Variants in WASF2 observed in about 807,000 individuals in gnomAD.
The protein encoded by WASF2 is WASP family member 2.
WASF2 carries 14 observed loss-of-function variants against 45.0 expected under a neutral mutation model. The ratio of observed to expected loss-of-function variants is 0.31; its 90% CI spans 0.21 to 0.49. WASF2 has a LOEUF of 0.49. Among genes scored for constraint, WASF2 ranks in the 20% least tolerant of loss-of-function variants. The pLI, the probability that WASF2 is intolerant of heterozygous loss-of-function variation, is 0.99. For missense variants in WASF2, 439 were observed against 636.1 expected, an observed-to-expected ratio of 0.69 and a Z score of 3.33; for synonymous variants, 200 against 236.3, an observed-to-expected ratio of 0.85 and a Z score of 1.41.
At chr1:27,479,909 T>A (rs752151985) in intron 1 of WASF2, among the ~76,000 whole-genome samples, 3 of 152,148 alleles carry the variant, frequency 2.0e-5, no homozygotes, top group Non-Finnish European at 4.4e-5. Flanking sequence ...ATATCTCAAG[T>A]GCTGGGGACT....
chr1:27,477,898 C>CAAAAAA (rs777021949), intron 1 of WASF2, among the ~76,000 whole-genome samples: 2 of 49,964 alleles, frequency 4.0e-5, no homozygotes, highest in African/African-American at 1.4e-4. Flanking sequence ...GACTCCGTCT[C>CAAAAAA]AAAAAAAAAA....
Position 27,413,018 on chromosome 1 carries a change from G to A in WASF2, c.669-291C>T, listed in dbSNP as rs12040941. Among the ~76,000 whole-genome samples the A allele has an allele frequency of 7.5e-3, 1,149 of 152,274 alleles. 111 individuals carry two copies. The East Asian group carries it at 0.2, about 27-fold the overall frequency. ...AGTGTTGGCCTTGTCAAACCCAGCAGTTCTTTTAAATTCTCTCCCCAGTGT... is the reference window on the plus strand; with the variant it reads ...AGTGTTGGCCTTGTCAAACCCAGCAATTCTTTTAAATTCTCTCCCCAGTGT... On this transcript the variant is annotated intron_variant, in intron 6 of 8. Transcript: ENST00000618852.
At chr1:27,463,063 GC>G (rs2017568193) in intron 1 of WASF2, among the ~76,000 whole-genome samples, 1 of 152,000 alleles carries the variant, frequency 6.6e-6, no homozygotes, top group African/African-American at 2.4e-5. Flanking sequence ...CAAGTGATCC[GC>G]CTGCCTGGAC....
chr1:27,462,205 T>C (rs1156609190), intron 1 of WASF2, among the ~76,000 whole-genome samples: 2 of 149,924 alleles, frequency 1.3e-5, no homozygotes, highest in Non-Finnish European at 3.0e-5. Flanking sequence ...CTCAAACTCT[T>C]GACCTCGTGA....
rs181000419 is a variant in WASF2 at position 27,466,408 on chromosome 1, T to A, written c.-44+23578A>T. On this transcript the variant is annotated intron_variant, in intron 1 of 8. Transcript: ENST00000618852. ...TCACAGAATAATACACCACCACTTA[T>A]GAAGTATTATTGCCAAAAAAGCAAC... 3.0e-3 allele frequency among the ~76,000 whole-genome samples: 450 copies of A among 152,258 alleles called. 1 individual carries two copies. The highest frequency in any genetic ancestry group is 9.8e-3 in the African/African-American group (406 of 41,548).
intron 1 of WASF2, among the ~76,000 whole-genome samples, chr1:27,451,529 TA>T (rs2017383243): frequency 6.6e-6 from 1 of 152,158 alleles, no homozygotes; most frequent in Admixed American, 6.5e-5. Flanking sequence ...CAGAGTGTGC[TA>T]AAAGCTATAG....
intron 1 of WASF2, among the ~76,000 whole-genome samples, chr1:27,460,326 G>A (rs759633181): frequency 1.8e-4 from 28 of 152,052 alleles, no homozygotes; most frequent in Non-Finnish European, 3.4e-4. Context: ...TGGTCTGGAG[G>A]GAAGTAAAAG....
intron 1 of WASF2, among the ~76,000 whole-genome samples, chr1:27,447,518 T>C (rs1462257741): frequency 4.6e-5 from 7 of 152,208 alleles, no homozygotes; most frequent in African/African-American, 1.2e-4. Flanking sequence ...TGTAGCTATG[T>C]TGCAGCAGCT....
In WASF2 at chr1:27,405,088, T is replaced by C. The variant is rs1202465521; in HGVS notation, c.*3101A>G. 1 of 152,538 alleles carries C rather than the reference T, an allele frequency of 6.6e-6. No homozygotes were observed. Among genetic ancestry groups the C allele is most frequent in the Non-Finnish European group, 1.5e-5 (1 of 68,172 alleles). The allele number at this position is 152,538 out of a possible 1,614,324, so 9.4% of individuals were successfully genotyped here. ...CCAAAGCCACAGAGACCTCAATCTGTCCAAGCTGGCACTGCAGAGTCAGAG... is the reference window on the plus strand; with the variant it reads ...CCAAAGCCACAGAGACCTCAATCTGCCCAAGCTGGCACTGCAGAGTCAGAG... On this transcript the variant is annotated 3_prime_UTR_variant, in exon 9 of 9. Transcript: ENST00000618852.
chr1:27,489,250 G>GCACACACA (rs1023392585), intron 1 of WASF2, among the ~76,000 whole-genome samples: 2 of 111,594 alleles, frequency 1.8e-5, no homozygotes, highest in African/African-American at 7.8e-5. Context: ...TCCTGTACGC[G>GCACACACA]CGCACACACA....
intron 3 of WASF2, 105 bp from the exon 4 acceptor site, chr1:27,418,527 G>GA: frequency 6.8e-7 from 1 of 1,478,216 alleles, no homozygotes; most frequent in Non-Finnish European, 9.2e-7. Flanking sequence ...CTTGGCTGTG[G>GA]CTGTCCGCAG....
intron 1 of WASF2, among the ~76,000 whole-genome samples, chr1:27,452,816 A>G (rs1055288063): frequency 6.6e-6 from 1 of 151,750 alleles, no homozygotes; most frequent in East Asian, 1.9e-4. Context: ...ACTCCATCTC[A>G]AAAAATTAAA....
chr1:27,415,923 T>A, intron 5 of WASF2, 62 bp downstream of exon 5: 1 of 1,414,838 alleles, frequency 7.1e-7, no homozygotes, highest in Non-Finnish European at 9.9e-7. Context: ...ACTGGCTTCC[T>A]TTTTATCCCC....
intron 1 of WASF2, among the ~76,000 whole-genome samples, chr1:27,466,961 T>C (rs1172873810): frequency 6.6e-6 from 1 of 151,824 alleles, no homozygotes; most frequent in Non-Finnish European, 1.5e-5. Flanking sequence ...ACACTGGTAA[T>C]CCTAGCACTT....
chr1:27,437,893 C>G (rs918409318), intron 1 of WASF2, among the ~76,000 whole-genome samples: 2 of 152,012 alleles, frequency 1.3e-5, no homozygotes, highest in Non-Finnish European at 2.9e-5. Context: ...CACCCACACA[C>G]AAAACAAAAA....
chr1:27,418,165 G>T, intron 4 of WASF2, 104 bp downstream of exon 4: 1 of 1,341,112 alleles, frequency 7.5e-7, no homozygotes, highest in East Asian at 2.5e-5. Flanking sequence ...TAGGCAGTAA[G>T]CTTTTAGATA....
chr1:27,441,078 G>A lies in WASF2; in HGVS notation c.-43-12145C>T, dbSNP rs1014418187. Among the ~76,000 whole-genome samples the A allele has an allele frequency of 8.6e-5, 13 of 151,584 alleles. No individual in the cohort carries two copies. The Middle Eastern group carries it at 0.011, about 123-fold the overall frequency. The stretch of plus-strand genomic sequence containing the variant: ...AGATGGGGTTTCACCATGTTGCCTA[G>A]GGTAGTCTCGAACTCCTGAGCTCAA... On this transcript the variant is annotated intron_variant, in intron 1 of 8. Transcript: ENST00000618852.
intron 4 of WASF2, among the ~76,000 whole-genome samples, chr1:27,417,429 G>A (rs1215220412): frequency 6.6e-6 from 1 of 152,168 alleles, no homozygotes; most frequent in East Asian, 1.9e-4. Context: ...CCCTGAATCT[G>A]ACTGGTGTCC....
At chr1:27,438,881 C>T (rs1403834957) in intron 1 of WASF2, among the ~76,000 whole-genome samples, 1 of 152,210 alleles carries the variant, frequency 6.6e-6, no homozygotes, top group Non-Finnish European at 1.5e-5. Context: ...GGCCAAGCCA[C>T]CAGCAACTGA....
Sources: allele counts gnomAD v4.1 joint callset (sites outside exome capture counted in the v4.1 genomes callset), GRCh38; gene constraint gnomAD v4.1.1; transcripts MANE v1.5; gene names NCBI Gene and HGNC (gene_info 2026-07-23, HGNC 2026-07-21).